The following KYAT1 variants were observed in gnomAD, a reference collection of about 807,000 sequenced individuals.
KYAT1 encodes the protein kynurenine aminotransferase 1.
In KYAT1, 47 loss-of-function variants were observed where a neutral mutation model predicts 52.4. That is an observed-to-expected ratio of 0.90 (90% CI 0.71 to 1.14). The LOEUF (loss-of-function observed/expected upper bound fraction) is 1.14, where lower values mean the gene tolerates loss of function less well. Among genes scored for constraint, KYAT1 ranks in the 50% most tolerant of loss-of-function variants. The pLI is 0.00. For synonymous variants in KYAT1, 212 were observed against 209.6 expected (o/e 1.01, Z -0.10); for missense variants, 480 against 557.9 (o/e 0.86, Z 1.41).
At chr9:128,837,841 A>G (rs1385275288) in intron 5 of KYAT1, 28 bp from the exon 6 acceptor site, 2 of 1,611,652 alleles carry the variant, frequency 1.2e-6, no homozygotes, top group Admixed American at 1.7e-5. Context: ...ATGGGGTGGT[A>G]CCACTTAACC....
chr9:128,848,938 A>G (rs1833524015), intron 1 of KYAT1, among the ~76,000 whole-genome samples: 1 of 151,470 alleles, frequency 6.6e-6, no homozygotes, highest in African/African-American at 2.4e-5. Flanking sequence ...GACCAGCGAA[A>G]CCCCATCTCT....
chr9:128,837,865 G>A (rs529652594), intron 5 of KYAT1, 52 bp from the exon 6 acceptor site: 12 of 1,601,258 alleles, frequency 7.5e-6, no homozygotes, highest in East Asian at 6.7e-5. Context: ...TGACATGCAG[G>A]TCTTCCCCAG....
chr9:128,833,881 G>C, intron 11 of KYAT1, 55 bp from the exon 12 acceptor site: 13 of 1,451,184 alleles, frequency 9.0e-6, no homozygotes, highest in Non-Finnish European at 1.3e-5. Flanking sequence ...GCAGGCCTTG[G>C]CTCCGGAGGG....
At chr9:128,844,725 C>A (rs1042302617) in intron 2 of KYAT1, among the ~76,000 whole-genome samples, 1 of 150,944 alleles carries the variant, frequency 6.6e-6, no homozygotes, top group African/African-American at 2.4e-5. Context: ...ATTAGCTGGG[C>A]GTTGTGTTGC....
chr9:128,843,409 C>T (rs1054489850), intron 2 of KYAT1, among the ~76,000 whole-genome samples: 11 of 144,170 alleles, frequency 7.6e-5, no homozygotes, highest in Non-Finnish European at 1.4e-4. Flanking sequence ...GACAGAGTTT[C>T]GCTCTATCCC....
chr9:128,860,061 C>T (rs988315016), intron 1 of KYAT1: 1 of 152,184 alleles, frequency 6.6e-6, no homozygotes, highest in Non-Finnish European at 1.5e-5. Flanking sequence ...GGATAATTCT[C>T]AGTCCAAGGC....
At chr9:128,855,553 C>T (rs1042235814) in intron 1 of KYAT1, among the ~76,000 whole-genome samples, 6 of 152,296 alleles carry the variant, frequency 3.9e-5, no homozygotes, top group Admixed American at 6.5e-5. Context: ...GTGTAAAACC[C>T]TCTTATATGC....
chr9:128,880,600 C>G (rs1190579337), intron 1 of KYAT1, among the ~76,000 whole-genome samples: 2 of 152,040 alleles, frequency 1.3e-5, no homozygotes, highest in Non-Finnish European at 1.5e-5. Context: ...CGCCACCACA[C>G]CCGGCTAATT....
At chr9:128,842,627 G>T (rs1255968605) in intron 3 of KYAT1, 27 bp downstream of exon 3, 27 of 1,605,300 alleles carry the variant, frequency 1.7e-5, no homozygotes, top group Admixed American at 3.4e-5. Flanking sequence ...CTCCCCCAGT[G>T]CCTCCACGAG....
chr9:128,847,966 T>A (rs1224976431), intron 1 of KYAT1, among the ~76,000 whole-genome samples: 3 of 152,162 alleles, frequency 2.0e-5, no homozygotes, highest in Non-Finnish European at 4.4e-5. Context: ...TAGATCACAC[T>A]GTTGAATGAC....
At chr9:128,864,131 G>A (rs1835847482) in intron 1 of KYAT1, among the ~76,000 whole-genome samples, 2 of 152,002 alleles carry the variant, frequency 1.3e-5, no homozygotes, top group Admixed American at 1.3e-4. Flanking sequence ...GGGAGGCCGA[G>A]GCAGGTGGAT....
rs1831489127 is a variant in KYAT1, at chr9:128,838,221, G to A, written c.348C>T (p.Asp116=). ...AGCCCAAGTCTTGCCCACTCACCTC[G>A]TCTCCTTCGTCCACCAGGGCCTGGA... ...TAFQALVDEG[D]EVIIIEPFFD... is the part of the protein sequence containing the mutation. Residue 116 remains aspartate, a synonymous_variant, in exon 4 of 13, where the codon GAC becomes GAT. Coordinates refer to ENST00000302586, the MANE Select transcript of KYAT1 (RefSeq NM_004059.5). 5 of 1,614,168 alleles carry A rather than the reference G, an allele frequency of 3.1e-6. No homozygotes were observed. Among genetic ancestry groups the A allele is most frequent in the Non-Finnish European group, 3.4e-6 (4 of 1,180,036 alleles).
chr9:128,850,137 C>A (rs1006511702), intron 1 of KYAT1, among the ~76,000 whole-genome samples: 1 of 151,962 alleles, frequency 6.6e-6, no homozygotes, highest in Non-Finnish European at 1.5e-5. Context: ...CTGCTCATGA[C>A]GGCCTCCCAC....
At position 128,835,373 on chromosome 9, in the gene KYAT1, C is replaced by T. The variant is rs199760544; in HGVS notation, c.1072G>A (p.Val358Met). The change falls in exon 11 of 13, where the codon GTG becomes ATG. Residue 358 changes from valine (V) to methionine (M), a missense_variant. By Grantham distance (21) the Val-to-Met change is conservative. Coordinates refer to ENST00000302586, the MANE Select transcript of KYAT1 (RefSeq NM_004059.5). Reference sequence around the variant, plus strand: ...AAGCGTCTGTCATAGGGCTCATCCACAGCTCCAGGCAAGTCAGGCATCTTC... The same window carrying T: ...AAGCGTCTGTCATAGGGCTCATCCATAGCTCCAGGCAAGTCAGGCATCTTC... ...KRKMPDLPGA[V>M]DEPYDRRFVK... The T allele has an allele frequency of 9.2e-4, 1,488 of 1,614,080 alleles. 8 individuals carry two copies. Among genetic ancestry groups the T allele is most frequent in the South Asian group, 5.6e-3 (508 of 91,084 alleles).
intron 1 of KYAT1, among the ~76,000 whole-genome samples, chr9:128,873,143 T>C (rs1307276360): frequency 6.7e-6 from 1 of 149,950 alleles, no homozygotes; most frequent in African/African-American, 2.5e-5. Flanking sequence ...ATCGAGAAAA[T>C]TATTATTGGA....
chr9:128,867,963 C>A (rs2040007104), intron 1 of KYAT1, among the ~76,000 whole-genome samples: 1 of 152,082 alleles, frequency 6.6e-6, no homozygotes, highest in East Asian at 1.9e-4. Flanking sequence ...TTAGTAGAGA[C>A]GGGGTTTCAC....
intron 1 of KYAT1, among the ~76,000 whole-genome samples, chr9:128,848,843 T>A (rs1257404584): frequency 2.5e-4 from 34 of 134,668 alleles, no homozygotes; most frequent in Non-Finnish European, 4.0e-4. Flanking sequence ...AAAAAAAAAA[T>A]TGGGAGGCTG....
At chr9:128,851,602 C>T (rs2119296139) in intron 1 of KYAT1, among the ~76,000 whole-genome samples, 1 of 152,244 alleles carries the variant, frequency 6.6e-6, no homozygotes, top group Non-Finnish European at 1.5e-5. Flanking sequence ...AAAATCATCC[C>T]ACTTACAGTA....
At position 128,838,315 on chromosome 9, in the gene KYAT1, C is replaced by A; in HGVS notation, c.254G>T (p.Gly85Val). 6.2e-7 allele frequency: 1 copy of A among 1,614,176 alleles called. No individual in the cohort carries two copies. Among genetic ancestry groups the A allele is most frequent in the Non-Finnish European group, 8.5e-7 (1 of 1,180,034 alleles). ...ATTCCTGAGCGGGTCTATCTCCTGA[C>A]CCAGCAGCTCCCCAAAGAAACTTGC... ...ILASFFGELL[G>V]QEIDPLRNVL... The change falls in exon 4 of 13, where the codon GGT becomes GTT. Residue 85 changes from glycine to valine, a missense_variant. Gly to Val is a moderately radical substitution (Grantham distance 109). Transcript: ENST00000302586.
Sources: gnomAD v4.1 joint callset for allele counts (sites outside exome capture counted in the v4.1 genomes callset) on GRCh38, gnomAD v4.1.1 for gene constraint, MANE v1.5 for transcripts, NCBI Gene and HGNC (gene_info 2026-07-23, HGNC 2026-07-21) for gene names.